Variants in SLC12A2 observed in about 807,000 individuals in gnomAD.
The protein encoded by SLC12A2 is Na-K-2Cl cotransporter 1.
SLC12A2 carries 67 observed loss-of-function variants against 136.3 expected under a neutral mutation model. The observed-to-expected ratio is 0.49, with a 90% CI of 0.40 to 0.60. The LOEUF is 0.60. Ranked by LOEUF, SLC12A2 falls within the 20% of genes least tolerant of loss-of-function variation. The pLI is 0.00. For missense variants in SLC12A2, 1,322 were observed against 1,534.7 expected (o/e 0.86, Z 2.32); for synonymous variants, 619 against 562.9 (o/e 1.10, Z -1.41).
intron 26 of SLC12A2, among the ~76,000 whole-genome samples, chr5:128,186,087 CTT>C (rs1396035144): frequency 6.6e-6 from 1 of 152,020 alleles, no homozygotes; most frequent in Non-Finnish European, 1.5e-5. Flanking sequence ...TTTACTGTAT[CTT>C]TTCTGTATTT....
chr5:128,110,229 A>T (rs553650779), intron 1 of SLC12A2: 1 of 806,602 alleles, frequency 1.2e-6, no homozygotes, highest in Non-Finnish European at 2.3e-6. Flanking sequence ...AAGAAATCCA[A>T]TTCAAACATC....
At chr5:128,130,937 A>G (rs2126696996) in intron 4 of SLC12A2, 130 bp from the exon 5 acceptor site, 1 of 746,888 alleles carries the variant, frequency 1.3e-6, no homozygotes, top group South Asian at 1.8e-5. Context: ...ACAGTCACTC[A>G]CTTGCCTCTT....
At chr5:128,086,164 T>G (rs553384463) in intron 1 of SLC12A2, among the ~76,000 whole-genome samples, 20 of 152,344 alleles carry the variant, frequency 1.3e-4, no homozygotes, top group African/African-American at 4.8e-4. Flanking sequence ...TGATCTGTAT[T>G]TACCCATAAG....
chr5:128,168,398 G>A lies in SLC12A2; in HGVS notation c.2723+531G>A, dbSNP rs539915667. ...TCTACCACTATGAAGAGTTAAGTTT[G>A]AGTTCACTGTAACTTCCGTTTTTTG... On this transcript the variant is annotated intron_variant, in intron 18 of 26. Coordinates refer to ENST00000262461, the MANE Select transcript of SLC12A2 (RefSeq NM_001046.3). 2 of 152,230 alleles carry A rather than the reference G, an allele frequency of 1.3e-5. 1 individual carries two copies. The highest frequency in any genetic ancestry group is 4.2e-4 in the South Asian group (2 of 4,816). The allele number at this position is 152,230 out of a possible 1,614,324, so 9.4% of individuals were successfully genotyped here.
At chr5:128,113,296 A>G (rs1761221616) in intron 2 of SLC12A2, among the ~76,000 whole-genome samples, 1 of 152,234 alleles carries the variant, frequency 6.6e-6, no homozygotes, top group Non-Finnish European at 1.5e-5. Context: ...CTGAGCAGGG[A>G]ATAGAGCTGA....
chr5:128,118,065 A>C (rs1761418883), intron 4 of SLC12A2, among the ~76,000 whole-genome samples: 2 of 152,182 alleles, frequency 1.3e-5, no homozygotes, highest in South Asian at 4.1e-4. Context: ...AATAATAAAA[A>C]TAACAGATGT....
chr5:128,087,910 AGATTT>A (rs1020579465), intron 1 of SLC12A2, among the ~76,000 whole-genome samples: 6 of 151,936 alleles, frequency 3.9e-5, no homozygotes, highest in Non-Finnish European at 8.8e-5. Context: ...GAGGAGGAAT[AGATTT>A]GGTGGTTGGG....
At chr5:128,122,914 A>G (rs1761644475) in intron 4 of SLC12A2, among the ~76,000 whole-genome samples, 2 of 152,096 alleles carry the variant, frequency 1.3e-5, no homozygotes, top group African/African-American at 2.4e-5. Context: ...TGTTTGAAGC[A>G]GCTGTAAAAC....
rs1763912594 is a variant in SLC12A2, at chr5:128,187,765, A to C, written c.*1134A>C. 6.6e-6 allele frequency: 1 copy of C among 152,570 alleles called. No individual in the cohort carries two copies. The highest frequency in any genetic ancestry group is 1.5e-5 in the Non-Finnish European group (1 of 68,000). The allele number at this position is 152,570 out of a possible 1,614,324, so 9.5% of individuals were successfully genotyped here. On this transcript the variant is annotated 3_prime_UTR_variant, in exon 27 of 27. Transcript: ENST00000262461. ...GAATATTAAAATTTAATCCATTCTT[A>C]ATATTTTAAAACTTTTGTTAAGAAA...
chr5:128,153,030 A>C (rs540351960), intron 15 of SLC12A2, among the ~76,000 whole-genome samples: 56 of 152,334 alleles, frequency 3.7e-4, no homozygotes, highest in Non-Finnish European at 6.8e-4. Context: ...TGGGTATGAT[A>C]AAGTCAAAGT....
At chr5:128,184,063 G>A (rs1042522974) in intron 24 of SLC12A2, among the ~76,000 whole-genome samples, 1 of 151,958 alleles carries the variant, frequency 6.6e-6, no homozygotes, top group Admixed American at 6.6e-5. Context: ...GTTCCACTGA[G>A]CATTTCCATT....
chr5:128,098,963 T>C (rs1760645458), intron 1 of SLC12A2, among the ~76,000 whole-genome samples: 1 of 152,070 alleles, frequency 6.6e-6, no homozygotes, highest in Admixed American at 6.6e-5. Flanking sequence ...ATTTAAGCTA[T>C]CCACAGTTGA....
rs1762271485 is a variant in SLC12A2 at position 128,139,033 on chromosome 5, G to A, written c.1621+125G>A. 3 of 688,510 alleles carry A rather than the reference G, an allele frequency of 4.4e-6. No homozygotes were observed. The African/African-American group carries it at 5.5e-5, about 13-fold the overall frequency. The allele number at this position is 688,510 out of a possible 1,614,324, so 42.7% of individuals were successfully genotyped here. On this transcript the variant is annotated intron_variant, in intron 9 of 26. Coordinates refer to ENST00000262461, the MANE Select transcript of SLC12A2 (RefSeq NM_001046.3). ...AAATATTTCAATAAAAAGACATGGA[G>A]TTGCTCATTATAATTCAAAAACAGT...
At position 128,084,251 on chromosome 5, in the gene SLC12A2, G is replaced by T; in HGVS notation, c.297G>T (p.Ala99=). The T allele has an allele frequency of 8.1e-7, 1 of 1,238,736 alleles. No homozygotes were observed. Among genetic ancestry groups the T allele is most frequent in the South Asian group, 3.2e-5 (1 of 31,518 alleles). The allele number at this position is 1,238,736 out of a possible 1,614,324, so 76.7% of individuals were successfully genotyped here. The change falls in exon 1 of 27, where the codon GCG becomes GCT. Residue 99 remains alanine, a synonymous_variant. Coordinates refer to ENST00000262461, the MANE Select transcript of SLC12A2 (RefSeq NM_001046.3). This position sits in a 1 kb window ranked among gnomAD's most constrained non-coding sequence, Gnocchi z 5.6. ...NAGRAAAAAA[A]AAAAAAAAGA... Reference sequence around the variant, plus strand: ...GGCGGGCCGCTGCTGCGGCGGCGGCGGCGGCGGCGGCAGCGGCGGCGGCTG... The same window carrying T: ...GGCGGGCCGCTGCTGCGGCGGCGGCTGCGGCGGCGGCAGCGGCGGCGGCTG...
rs1374070658 is a variant in SLC12A2 at position 128,187,037 on chromosome 5, A to G, written c.*406A>G. 6.2e-6 allele frequency: 1 copy of G among 160,366 alleles called. No homozygotes were observed. Among genetic ancestry groups the G allele is most frequent in the African/African-American group, 2.4e-5 (1 of 41,566 alleles). The allele number at this position is 160,366 out of a possible 1,614,324, so 9.9% of individuals were successfully genotyped here. A position where few individuals can be genotyped will look rare whatever the true frequency, so the allele number is the denominator to read the frequency against. ...TATAGAATGTCAAACTTTGCCTTCA[A>G]CTGTTTTTATTTCTAGTCTCTTCCA... is the stretch of plus-strand genomic sequence containing the variant. On this transcript the variant is annotated 3_prime_UTR_variant, in exon 27 of 27. Transcript: ENST00000262461.
intron 19 of SLC12A2, among the ~76,000 whole-genome samples, chr5:128,173,397 A>T (rs952421337): frequency 6.6e-6 from 1 of 152,234 alleles, no homozygotes; most frequent in Admixed American, 6.5e-5. Context: ...TGAATAAATT[A>T]TATAGTTCTA....
In SLC12A2 at chr5:128,083,998, T is replaced by A; in HGVS notation, c.44T>A (p.Leu15Gln). 1 of 1,248,570 alleles carries A rather than the reference T, an allele frequency of 8.0e-7. No individual in the cohort carries two copies. The highest frequency in any genetic ancestry group is 3.1e-5 in the South Asian group (1 of 31,798). The allele number at this position is 1,248,570 out of a possible 1,614,324, so 77.3% of individuals were successfully genotyped here. A position where few individuals can be genotyped will look rare whatever the true frequency, so the allele number is the denominator to read the frequency against. The change falls in exon 1 of 27, where the codon CTG becomes CAG. Residue 15 changes from leucine to glutamine, a missense_variant. Around this residue, in one of 8 missense-constraint regions of SLC12A2, gnomAD observed 358 missense variants for 299.7 expected, o/e 1.19. Transcript: ENST00000262461. ...PTAPSSGAPG[L>Q]AGVGETPSAA... Reference sequence around the variant, plus strand: ...GCGCCCTCCTCCGGCGCCCCGGGACTGGCCGGGGTCGGGGAGACGCCGTCA... The same window carrying A: ...GCGCCCTCCTCCGGCGCCCCGGGACAGGCCGGGGTCGGGGAGACGCCGTCA...
rs11958565 is a variant in SLC12A2 at position 128,086,443 on chromosome 5, A to G, written c.756+1733A>G. Among the ~76,000 whole-genome samples the G allele has an allele frequency of 9.1e-3, 1,391 of 152,298 alleles. 20 individuals are homozygous for G. Among genetic ancestry groups the G allele is most frequent in the African/African-American group, 0.031 (1,302 of 41,566 alleles). ...GGGTTATCATGAAGATTAGAAAAAA[A>G]GCGCAATAAAAATGACCATGTTCAG... On this transcript the variant is annotated intron_variant, in intron 1 of 26. Coordinates refer to ENST00000262461, the MANE Select transcript of SLC12A2 (RefSeq NM_001046.3).
At chr5:128,185,731 C>G (rs1160178385) in intron 26 of SLC12A2, among the ~76,000 whole-genome samples, 1 of 152,048 alleles carries the variant, frequency 6.6e-6, no homozygotes, top group Non-Finnish European at 1.5e-5. Flanking sequence ...GTAAACATAC[C>G]TTTCACCTAA....
Sources: gnomAD v4.1 joint callset for allele counts (sites outside exome capture counted in the v4.1 genomes callset) on GRCh38, gnomAD v4.1.1 for gene constraint, gnomAD v4.1.1 regional missense constraint, Gnocchi (gnomAD v3.1) non-coding constraint, MANE v1.5 for transcripts, NCBI Gene and HGNC (gene_info 2026-07-23, HGNC 2026-07-21) for gene names.